The following ZMYM2 variants were observed in gnomAD, a reference collection of about 807,000 sequenced individuals.
ZMYM2 encodes zinc finger MYM-type protein 2.
Under a neutral mutation model 162.8 loss-of-function variants are expected in ZMYM2, and 56 were observed. That is an observed-to-expected ratio of 0.34 (90% confidence interval 0.28 to 0.43). The LOEUF (loss-of-function observed/expected upper bound fraction) is 0.43. Ranked by LOEUF, ZMYM2 falls within the 20% of genes least tolerant of loss-of-function variation. ZMYM2 has a pLI of 1.00. For missense variants in ZMYM2, 1,275 were observed against 1,621.8 expected, an observed-to-expected ratio of 0.79 and a Z score of 3.67; for synonymous variants, 510 against 541.6, an observed-to-expected ratio of 0.94 and a Z score of 0.81.
intron 12 of ZMYM2, among the ~76,000 whole-genome samples, chr13:20,048,818 T>C (rs937079683): frequency 5.9e-5 from 8 of 135,288 alleles, no homozygotes; most frequent in African/African-American, 2.0e-4. Flanking sequence ...TTTTTTTTTT[T>C]TCCCCCTCCC....
upstream of ZMYM2, among the ~76,000 whole-genome samples, chr13:19,956,057 T>C (rs1213348177): frequency 1.3e-5 from 2 of 152,220 alleles, no homozygotes; most frequent in African/African-American, 4.8e-5. Context: ...TTTTAGCACA[T>C]TCACAGTTGT....
At chr13:20,011,356 C>T (rs961468972) in intron 6 of ZMYM2, among the ~76,000 whole-genome samples, 1 of 152,018 alleles carries the variant, frequency 6.6e-6, no homozygotes, top group Admixed American at 6.6e-5. Context: ...TCAAACAATC[C>T]ACATCTGAAA....
the ZMYM2 span, among the ~76,000 whole-genome samples, chr13:19,911,792 C>T: frequency 2.6e-5 from 4 of 152,142 alleles, no homozygotes; most frequent in East Asian, 1.9e-4. Flanking sequence ...CCCTGACCTG[C>T]GGAGTTAGGG....
the ZMYM2 span, among the ~76,000 whole-genome samples, chr13:19,943,901 C>G: frequency 6.6e-6 from 1 of 152,036 alleles, no homozygotes; most frequent in Non-Finnish European, 1.5e-5. Flanking sequence ...TAAAAGCATG[C>G]AGAATTGTTG....
At chr13:19,896,206 C>T in the ZMYM2 span, among the ~76,000 whole-genome samples, 3 of 151,610 alleles carry the variant, frequency 2.0e-5, no homozygotes, top group East Asian at 4.0e-4. Flanking sequence ...TGCAGTGGCA[C>T]GATCTTGGCT....
chr13:19,905,840 T>C, the ZMYM2 span, among the ~76,000 whole-genome samples: 3 of 152,150 alleles, frequency 2.0e-5, no homozygotes, highest in Non-Finnish European at 4.4e-5. Flanking sequence ...CTCATGTACC[T>C]GAACAAGAAT....
chr13:20,023,302 G>A (rs1952280589), intron 7 of ZMYM2, among the ~76,000 whole-genome samples: 1 of 152,104 alleles, frequency 6.6e-6, no homozygotes, highest in South Asian at 2.1e-4. Flanking sequence ...ATATCTTGGG[G>A]CGCCATTTCC....
At chr13:20,040,967 CT>C (rs1221760469) in intron 12 of ZMYM2, among the ~76,000 whole-genome samples, 1 of 152,070 alleles carries the variant, frequency 6.6e-6, no homozygotes, top group African/African-American at 2.4e-5. Flanking sequence ...ATCCAAGAGA[CT>C]TTTGGTTATG....
At chr13:20,016,457 A>G (rs1951636917) in intron 6 of ZMYM2, among the ~76,000 whole-genome samples, 1 of 152,148 alleles carries the variant, frequency 6.6e-6, no homozygotes, top group South Asian at 2.1e-4. Context: ...ATATTTACTA[A>G]AGATTGGGTC....
At chr13:20,042,621 G>A (rs1385415433) in intron 12 of ZMYM2, among the ~76,000 whole-genome samples, 2 of 152,050 alleles carry the variant, frequency 1.3e-5, no homozygotes, top group Admixed American at 1.3e-4. Context: ...AGGCACTCTG[G>A]CTTTTTGAGT....
At chr13:19,977,781 C>T (rs1167303533) in intron 2 of ZMYM2, among the ~76,000 whole-genome samples, 3 of 151,908 alleles carry the variant, frequency 2.0e-5, no homozygotes, top group East Asian at 1.9e-4. Flanking sequence ...TGAGCCACCG[C>T]GCCCAGCCAA....
Position 20,022,810 on chromosome 13 carries a change from ACTT to A in ZMYM2, c.1584+3198_1584+3200del, listed in dbSNP as rs1183383741. Among the ~76,000 whole-genome samples, 5 of 152,088 alleles carry A rather than the reference ACTT, an allele frequency of 3.3e-5. No individual in the cohort carries two copies. The East Asian group carries it at 5.8e-4, about 18-fold the overall frequency. On this transcript the variant is annotated intron_variant, in intron 7 of 24. Transcript: ENST00000610343. ...ATGTCATTGTTTGAGTTTTATTGCC[ACTT>A]CTTCTAATCAAGGTTCTTCACTATT...
upstream of ZMYM2, among the ~76,000 whole-genome samples, chr13:19,956,842 T>C (rs1394422045): frequency 3.9e-5 from 6 of 152,196 alleles, no homozygotes; most frequent in African/African-American, 1.4e-4. Context: ...AGGAATGATG[T>C]AAGTTTTCAC....
chr13:19,959,517 C>T (rs943703195), intron 1 of ZMYM2, among the ~76,000 whole-genome samples: 1 of 152,158 alleles, frequency 6.6e-6, no homozygotes, highest in Non-Finnish European at 1.5e-5. Flanking sequence ...AACCTCAGGC[C>T]CAGGGCAACT....
At chr13:20,083,106 A>T in intron 23 of ZMYM2, 74 bp downstream of exon 23, 1 of 1,424,348 alleles carries the variant, frequency 7.0e-7, no homozygotes, top group Admixed American at 2.4e-5. Context: ...CTTGTTGCCC[A>T]GGCTGGAGTG....
At chr13:19,936,325 C>T in the ZMYM2 span, among the ~76,000 whole-genome samples, 3 of 152,146 alleles carry the variant, frequency 2.0e-5, no homozygotes, top group Admixed American at 2.0e-4. Flanking sequence ...CTATTTTACT[C>T]CTGTCTGCTC....
chr13:19,980,098 A>AAGAT (rs1957181581), intron 2 of ZMYM2, among the ~76,000 whole-genome samples: 1 of 151,918 alleles, frequency 6.6e-6, no homozygotes, highest in Admixed American at 6.6e-5. Context: ...TTATTTTTAC[A>AAGAT]TTAAATTTTT....
intron 8 of ZMYM2, 96 bp from the exon 9 acceptor site, chr13:20,027,107 T>C: frequency 1.2e-6 from 1 of 848,492 alleles, no homozygotes; most frequent in Non-Finnish European, 1.7e-6. Context: ...TAATAGTTTA[T>C]TTTTTAACAG....
chr13:20,080,682 G>T (rs902427028), intron 21 of ZMYM2, among the ~76,000 whole-genome samples: 4 of 152,038 alleles, frequency 2.6e-5, no homozygotes, highest in African/African-American at 9.7e-5. Flanking sequence ...TAGAGACGGG[G>T]TTTCACCATC....
Sources: gnomAD v4.1 joint callset for allele counts (sites outside exome capture counted in the v4.1 genomes callset) on GRCh38, gnomAD v4.1.1 for gene constraint, MANE v1.5 for transcripts, NCBI Gene and HGNC (gene_info 2026-07-23, HGNC 2026-07-21) for gene names.